LUZP2: variants seen among roughly 807,000 people sequenced by gnomAD.
The protein encoded by LUZP2 is leucine zipper protein 2.
A neutral mutation model predicts 51.6 loss-of-function variants in LUZP2; 52 were observed. The ratio of observed to expected loss-of-function variants is 1.01; its 90% CI spans 0.81 to 1.27. The LOEUF is 1.27. LUZP2 is among the 50% of genes most tolerant of loss of function. The pLI, the probability that LUZP2 is intolerant of heterozygous loss-of-function variation, is 0.00. For missense variants in LUZP2, 436 were observed against 395.4 expected (o/e 1.10, Z -0.87); for synonymous variants, 154 against 137.3 (o/e 1.12, Z -0.85).
intron 5 of LUZP2, among the ~76,000 whole-genome samples, chr11:24,807,048 A>G (rs1023124409): frequency 7.1e-6 from 1 of 141,442 alleles, no homozygotes; most frequent in Non-Finnish European, 1.5e-5. Flanking sequence ...AAAAAAGGAG[A>G]GATACGGTCT....
intron 1 of LUZP2, among the ~76,000 whole-genome samples, chr11:24,675,807 A>ATTTATTTG (rs1554971917): frequency 2.4e-5 from 3 of 126,796 alleles, no homozygotes; most frequent in South Asian, 2.8e-4. Context: ...TTATTTATTT[A>ATTTATTTG]TTTATTTATT....
chr11:24,780,904 C>G (rs569109606), intron 5 of LUZP2, among the ~76,000 whole-genome samples: 21 of 152,236 alleles, frequency 1.4e-4, no homozygotes, highest in Middle Eastern at 3.4e-3. Flanking sequence ...TGTGAGCTAG[C>G]TAGGCCTTGC....
intron 7 of LUZP2, among the ~76,000 whole-genome samples, chr11:24,970,600 TA>T: frequency 6.6e-6 from 1 of 152,308 alleles, no homozygotes; most frequent in East Asian, 1.9e-4. Flanking sequence ...GCCAAAATTT[TA>T]TAAAATTATT....
chr11:24,560,728 C>T (rs1344570824), intron 1 of LUZP2, among the ~76,000 whole-genome samples: 1 of 152,156 alleles, frequency 6.6e-6, no homozygotes, highest in Non-Finnish European at 1.5e-5. Context: ...TCAAGCATAG[C>T]CACAGCTCAA....
intron 2 of LUZP2, among the ~76,000 whole-genome samples, chr11:24,731,642 A>G (rs1048967402): frequency 1.1e-4 from 17 of 151,662 alleles, no homozygotes; most frequent in African/African-American, 4.1e-4. Flanking sequence ...GTCTTAATGT[A>G]TTACTCATAA....
At chr11:24,701,669 T>G (rs1489212635) in intron 1 of LUZP2, 1 of 152,336 alleles carries the variant, frequency 6.6e-6, no homozygotes, top group African/African-American at 2.4e-5. Flanking sequence ...GCAAGTTTGT[T>G]AGTAGCTCTC....
Position 24,632,231 on chromosome 11 carries a change from C to T in LUZP2, c.63-96938C>T, listed in dbSNP as rs190961049. Reference sequence around the variant, plus strand: ...TGGGTATCAGGATGCCATTGTATAACTCAAAATAGAATATTTATTCATATA... The same window carrying T: ...TGGGTATCAGGATGCCATTGTATAATTCAAAATAGAATATTTATTCATATA... On this transcript the variant is annotated intron_variant, in intron 1 of 11. Coordinates refer to ENST00000336930, the MANE Select transcript of LUZP2 (RefSeq NM_001009909.4). Among the ~76,000 whole-genome samples the T allele has an allele frequency of 4.0e-3, 606 of 151,972 alleles. 3 individuals carry two copies. Among genetic ancestry groups the T allele is most frequent in the Non-Finnish European group, 7.0e-3 (474 of 67,882 alleles).
intron 1 of LUZP2, among the ~76,000 whole-genome samples, chr11:24,517,811 G>A (rs911756203): frequency 1.3e-5 from 2 of 152,038 alleles, no homozygotes; most frequent in African/African-American, 4.8e-5. Context: ...TGTGTCTGAA[G>A]AAAGAAAAAT....
At chr11:24,951,645 C>CAT (rs138241636) in intron 7 of LUZP2, among the ~76,000 whole-genome samples, 7,916 of 151,298 alleles carry the variant, frequency 0.052, 350 homozygotes, top group African/African-American at 0.12. Flanking sequence ...TATATTTAAA[C>CAT]ATATATATAT....
At chr11:24,575,323 G>C (rs184326475) in intron 1 of LUZP2, among the ~76,000 whole-genome samples, 2 of 152,088 alleles carry the variant, frequency 1.3e-5, no homozygotes, top group Non-Finnish European at 2.9e-5. Flanking sequence ...TCTTTGGTCA[G>C]TTATTGTTTC....
At chr11:24,919,953 T>A (rs1853979209) in intron 7 of LUZP2, among the ~76,000 whole-genome samples, 1 of 151,740 alleles carries the variant, frequency 6.6e-6, no homozygotes, top group Non-Finnish European at 1.5e-5. Flanking sequence ...TAAGAAATTT[T>A]ATGAATGAAT....
intron 1 of LUZP2, among the ~76,000 whole-genome samples, chr11:24,684,140 A>G (rs1476996877): frequency 6.6e-6 from 1 of 152,122 alleles, no homozygotes; most frequent in Non-Finnish European, 1.5e-5. Context: ...ATAGCCTTCT[A>G]ATAGGCCTCC....
chr11:24,990,111 A>G (rs1856296086), intron 9 of LUZP2, among the ~76,000 whole-genome samples: 1 of 152,000 alleles, frequency 6.6e-6, no homozygotes, highest in Non-Finnish European at 1.5e-5. Flanking sequence ...TAATTATCTG[A>G]CAATGCTAGC....
intron 5 of LUZP2, among the ~76,000 whole-genome samples, chr11:24,800,220 C>T (rs903571933): frequency 2.6e-5 from 4 of 151,922 alleles, no homozygotes; most frequent in African/African-American, 4.8e-5. Context: ...AAGGTGATAA[C>T]GGATAAGCTT....
intron 5 of LUZP2, among the ~76,000 whole-genome samples, chr11:24,793,219 C>A (rs1031644114): frequency 6.6e-6 from 1 of 152,202 alleles, no homozygotes; most frequent in East Asian, 1.9e-4. Context: ...TTATTTCAAC[C>A]TTTCCTTGTG....
chr11:24,757,745 C>G (rs1859828675), intron 4 of LUZP2, among the ~76,000 whole-genome samples: 2 of 151,550 alleles, frequency 1.3e-5, no homozygotes, highest in African/African-American at 2.4e-5. Flanking sequence ...TGTCAAATGT[C>G]AAATAAAAAA....
intron 1 of LUZP2, among the ~76,000 whole-genome samples, chr11:24,619,040 A>G (rs1854399446): frequency 1.5e-5 from 2 of 137,796 alleles, no homozygotes; most frequent in African/African-American, 2.8e-5. Flanking sequence ...TTATTTATTT[A>G]TTTATTTGAG....
chr11:24,756,230 C>G (rs1428794667), intron 4 of LUZP2, among the ~76,000 whole-genome samples: 1 of 152,198 alleles, frequency 6.6e-6, no homozygotes, highest in Non-Finnish European at 1.5e-5. Context: ...TGTATTGATA[C>G]ACTGATTAAT....
At position 24,976,638 on chromosome 11, in the gene LUZP2, T is replaced by C. The variant is rs771230258; in HGVS notation, c.570T>C (p.Asn190=). 6.4e-7 allele frequency: 1 copy of C among 1,568,828 alleles called. No individual in the cohort carries two copies. Among genetic ancestry groups the C allele is most frequent in the South Asian group, 1.1e-5 (1 of 88,582 alleles). Residue 190 remains asparagine, a synonymous_variant, in exon 8 of 12, where the codon AAT becomes AAC. Transcript: ENST00000336930. ...DLEQKLAVAK[N]ELEKAALDRE... ...AACAAAAATTAGCTGTAGCCAAAAA[T>C]GAACTGGAGAAAGCAGCTCTTGACA...
Sources: allele counts gnomAD v4.1 joint callset (sites outside exome capture counted in the v4.1 genomes callset), GRCh38; gene constraint gnomAD v4.1.1; transcripts MANE v1.5; gene names NCBI Gene and HGNC (gene_info 2026-07-23, HGNC 2026-07-21).